Variants in ABCB5 observed in about 807,000 individuals in gnomAD.
ABCB5 encodes the protein ATP binding cassette subfamily B member 5, also known as ATP-binding cassette sub-family B member 5.
In ABCB5, 155 loss-of-function variants were observed where a neutral mutation model predicts 144.2. That is an observed-to-expected ratio of 1.08 (90% confidence interval 0.94 to 1.23). The LOEUF is 1.23. Among genes scored for constraint, ABCB5 ranks in the 50% most tolerant of loss-of-function variants. The pLI is 0.00. For missense variants in ABCB5, 1,830 were observed against 1,520.8 expected (o/e 1.20, Z -3.38); for synonymous variants, 610 against 528.6 (o/e 1.15, Z -2.11).
chr7:20,642,123 A>G (rs1392212094), intron 5 of ABCB5, among the ~76,000 whole-genome samples: 1 of 152,178 alleles, frequency 6.6e-6, no homozygotes, highest in African/African-American at 2.4e-5. Flanking sequence ...TCTTTTAAAA[A>G]GTTGAACAGA....
intron 21 of ABCB5, among the ~76,000 whole-genome samples, chr7:20,726,801 G>T (rs1782051657): frequency 6.6e-6 from 1 of 152,080 alleles, no homozygotes; most frequent in Non-Finnish European, 1.5e-5. Flanking sequence ...CTTGAATGGG[G>T]TTAAACTTAG....
At chr7:20,686,205 C>A (rs1785991721) in intron 16 of ABCB5, among the ~76,000 whole-genome samples, 1 of 152,168 alleles carries the variant, frequency 6.6e-6, no homozygotes, top group South Asian at 2.1e-4. Flanking sequence ...CATGCCACTC[C>A]CGGAATGCAG....
At chr7:20,721,660 A>T (rs1182999217) in intron 20 of ABCB5, among the ~76,000 whole-genome samples, 1 of 152,220 alleles carries the variant, frequency 6.6e-6, no homozygotes, top group Admixed American at 6.5e-5. Context: ...TATTCCTTGC[A>T]TGATTATAAT....
chr7:20,725,346 C>T (rs6949442), intron 21 of ABCB5, among the ~76,000 whole-genome samples: 113,501 of 152,162 alleles, frequency 0.75, 42,846 homozygotes, highest in East Asian at 0.91. Context: ...TTTGGGAGGC[C>T]GAGGCAGGTG....
At chr7:20,742,699 A>G (rs1782599248) in intron 24 of ABCB5, among the ~76,000 whole-genome samples, 178 bp from the exon 25 acceptor site, 1 of 152,208 alleles carries the variant, frequency 6.6e-6, no homozygotes, top group Non-Finnish European at 1.5e-5. Flanking sequence ...AAAAAAATAT[A>G]AACAAAAGTG....
In ABCB5 at chr7:20,723,324, T is replaced by C. The variant is rs182472845; in HGVS notation, c.2625+105T>C. The C allele has an allele frequency of 3.2e-4, 371 of 1,143,150 alleles. 1 individual carries two copies. The African/African-American group carries it at 5.4e-3, about 17-fold the overall frequency. The allele number at this position is 1,143,150 out of a possible 1,614,324, so 70.8% of individuals were successfully genotyped here. A position where few individuals can be genotyped will look rare whatever the true frequency, so the allele number is the denominator to read the frequency against. ...TGTGTTAACCATCTTTATGATATATTAACTTCATCTCTTAGGGATCTGTAA... is the reference window on the plus strand; with the variant it reads ...TGTGTTAACCATCTTTATGATATATCAACTTCATCTCTTAGGGATCTGTAA... On this transcript the variant is annotated intron_variant, in intron 21 of 27. Transcript: ENST00000404938.
chr7:20,716,059 A>T (rs993332526), intron 20 of ABCB5, among the ~76,000 whole-genome samples: 1 of 152,148 alleles, frequency 6.6e-6, no homozygotes, highest in African/African-American at 2.4e-5. Context: ...GAACACAAAC[A>T]ACAGAAGGTA....
chr7:20,629,130 G>C (rs1409771361), intron 4 of ABCB5, among the ~76,000 whole-genome samples: 1 of 141,696 alleles, frequency 7.1e-6, no homozygotes, highest in East Asian at 2.1e-4. Flanking sequence ...TAGAAACAAA[G>C]AGAGAGAGAG....
intron 16 of ABCB5, among the ~76,000 whole-genome samples, chr7:20,692,272 GAC>G (rs1297940134): frequency 6.6e-6 from 1 of 151,888 alleles, no homozygotes; most frequent in East Asian, 1.9e-4. Context: ...TGAGGAAAAA[GAC>G]AAGAAAGCTA....
Position 20,675,341 on chromosome 7 carries a change from G to A in ABCB5, c.1708-6164G>A, listed in dbSNP as rs570903728. 4.6e-5 allele frequency among the ~76,000 whole-genome samples: 7 copies of A among 151,700 alleles called. No homozygotes were observed. In the South Asian group the frequency reaches 8.3e-4, roughly 18 times the overall value. On this transcript the variant is annotated intron_variant, in intron 14 of 27. Coordinates refer to ENST00000404938, the MANE Select transcript of ABCB5 (RefSeq NM_001163941.2). The stretch of plus-strand genomic sequence containing the variant: ...ATAGAAAGCCCAGAAATAAATGTAT[G>A]CATATATAATCAACTGACCTTTGAC...
chr7:20,651,471 G>A lies in ABCB5; in HGVS notation c.1384G>A (p.Asp462Asn), dbSNP rs1784584952. ...IRALNVRHYR[D>N]HIGVVSQEPV... is the part of the protein sequence containing the mutation. ...AGCTTTAAATGTGCGGCATTATCGA[G>A]ACCATATTGGAGTGGTTAGTCAAGA... Residue 462 changes from aspartate to asparagine, a missense_variant, in exon 13 of 28, where the codon GAC becomes AAC. Coordinates refer to ENST00000404938, the MANE Select transcript of ABCB5 (RefSeq NM_001163941.2). 8.1e-6 allele frequency: 13 copies of A among 1,613,958 alleles called. No homozygotes were observed. In the East Asian group the frequency reaches 2.9e-4, roughly 36 times the overall value.
chr7:20,714,205 A>C (rs899241217), intron 20 of ABCB5, among the ~76,000 whole-genome samples: 1 of 152,216 alleles, frequency 6.6e-6, no homozygotes, highest in Non-Finnish European at 1.5e-5. Context: ...TTTTATTTCT[A>C]CAATTGCATA....
chr7:20,709,435 T>G (rs1223525963), intron 20 of ABCB5, among the ~76,000 whole-genome samples: 1 of 150,010 alleles, frequency 6.7e-6, no homozygotes, highest in African/African-American at 2.5e-5. Context: ...TTTGTATTTT[T>G]CAGCACTATT....
intron 20 of ABCB5, among the ~76,000 whole-genome samples, chr7:20,712,415 C>G (rs561336376): frequency 1.3e-5 from 2 of 148,932 alleles, no homozygotes; most frequent in Non-Finnish European, 3.0e-5. Flanking sequence ...TTATAGTTTT[C>G]ACCAAATTTT....
At chr7:20,734,837 A>G (rs1361808069) in intron 23 of ABCB5, among the ~76,000 whole-genome samples, 3 of 152,208 alleles carry the variant, frequency 2.0e-5, no homozygotes, top group African/African-American at 4.8e-5. Flanking sequence ...CATGTGTAGT[A>G]AAACACTCAC....
intron 14 of ABCB5, among the ~76,000 whole-genome samples, chr7:20,671,863 T>C (rs954416160): frequency 2.0e-5 from 3 of 152,222 alleles, no homozygotes; most frequent in African/African-American, 7.2e-5. Flanking sequence ...GGCTGAATCT[T>C]ATGGTAGGTA....
intron 20 of ABCB5, among the ~76,000 whole-genome samples, chr7:20,708,786 G>C (rs923895344): frequency 6.6e-6 from 1 of 152,140 alleles, no homozygotes; most frequent in Non-Finnish European, 1.5e-5. Context: ...ATTTTCACAA[G>C]CTTTGTAAAT....
intron 20 of ABCB5, among the ~76,000 whole-genome samples, chr7:20,721,688 G>A (rs62453383): frequency 1.3e-5 from 2 of 152,074 alleles, no homozygotes; most frequent in African/African-American, 4.8e-5. Context: ...CCAATAGAAA[G>A]AGATAATTTG....
chr7:20,753,888 A>G (rs1385268177), intron 27 of ABCB5, among the ~76,000 whole-genome samples: 2 of 152,368 alleles, frequency 1.3e-5, no homozygotes, highest in East Asian at 1.9e-4. Context: ...AGAGTAATCT[A>G]CACTGCAGGG....
Sources: allele counts gnomAD v4.1 joint callset (sites outside exome capture counted in the v4.1 genomes callset), GRCh38; gene constraint gnomAD v4.1.1; transcripts MANE v1.5; gene names NCBI Gene and HGNC (gene_info 2026-07-23, HGNC 2026-07-21).